The following ERG variants were observed in gnomAD, a reference collection of about 807,000 sequenced individuals.
The protein encoded by ERG is transcriptional regulator ERG.
In ERG, 9 loss-of-function variants were observed where a neutral mutation model predicts 55.3. That is an observed-to-expected ratio of 0.16 (90% CI 0.10 to 0.28). The LOEUF is 0.28. Among genes scored for constraint, ERG ranks in the 10% least tolerant of loss-of-function variants. ERG has a pLI of 1.00. For synonymous variants in ERG, 223 were observed against 237.3 expected (o/e 0.94, Z 0.55); for missense variants, 434 against 631.6 (o/e 0.69, Z 3.35).
At position 38,400,584 on chromosome 21, in the gene ERG, T is replaced by C. The variant is rs763705219; in HGVS notation, c.735A>G (p.Thr245=). The C allele has an allele frequency of 6.2e-7, 1 of 1,613,730 alleles. No individual in the cohort carries two copies. The highest frequency in any genetic ancestry group is 8.5e-7 in the Non-Finnish European group (1 of 1,179,558). The change falls in exon 6 of 10, where the codon ACA becomes ACG. Residue 245 remains threonine, a synonymous_variant. Coordinates refer to ENST00000288319, the MANE Select transcript of ERG (RefSeq NM_182918.4). The part of the protein sequence containing the change: ...SVYPEATQRI[T]TRPDLPYEPP... ...GGGGTGTTTTCGTACCTGGCCTAGT[T>C]GTAATTCTTTGCGTAGCTTCAGGAT...
In ERG at chr21:38,547,224, G is replaced by A. The variant is rs149946611; in HGVS notation, c.-41+28438C>T. Among the ~76,000 whole-genome samples, 55 of 152,296 alleles carry A rather than the reference G, an allele frequency of 3.6e-4. 1 individual carries two copies. Among genetic ancestry groups the A allele is most frequent in the African/African-American group, 1.3e-3 (55 of 41,560 alleles). The stretch of plus-strand genomic sequence containing the variant: ...TTCTAACTTGTTGATCTCAAATGTC[G>A]TGATTTGGCATGAATATCTAGCTTC... On this transcript the variant is annotated intron_variant, in intron 2 of 8. Coordinates refer to the ERG transcript ENST00000398897.
intron 1 of ERG, among the ~76,000 whole-genome samples, chr21:38,634,389 A>G (rs1202788063): frequency 1.3e-5 from 2 of 152,212 alleles, no homozygotes; most frequent in African/African-American, 4.8e-5. Flanking sequence ...AGCTGTGCAT[A>G]ACGGGAATGG....
intron 1 of ERG, among the ~76,000 whole-genome samples, chr21:38,628,055 C>T (rs2060336024): frequency 6.6e-6 from 1 of 151,676 alleles, no homozygotes; most frequent in African/African-American, 2.4e-5. Flanking sequence ...CTCATGCACA[C>T]CTCCCACCTC....
At chr21:38,658,087 C>G (rs2060530100) in intron 1 of ERG, among the ~76,000 whole-genome samples, 1 of 152,188 alleles carries the variant, frequency 6.6e-6, no homozygotes, top group South Asian at 2.1e-4. Flanking sequence ...ACCATGCTCC[C>G]TGGGAAAGCC....
At chr21:38,384,150 C>T (rs2146413645) in intron 9 of ERG, among the ~76,000 whole-genome samples, 1 of 152,338 alleles carries the variant, frequency 6.6e-6, no homozygotes, top group South Asian at 2.1e-4. Context: ...CCTCGCCCAC[C>T]CCCAGGTATC....
At chr21:38,500,299 G>A (rs1005970220), upstream of ERG, among the ~76,000 whole-genome samples, 5 of 152,254 alleles carry the variant, frequency 3.3e-5, no homozygotes, top group South Asian at 2.1e-4. Flanking sequence ...GTGTGGTCCC[G>A]CCTCACCCAC....
rs772883164 is a variant in ERG at position 38,383,853 on chromosome 21, G to A, written c.990C>T (p.Ile330=). The A allele has an allele frequency of 1.2e-6, 2 of 1,614,132 alleles. No individual in the cohort carries two copies. Among genetic ancestry groups the A allele is most frequent in the South Asian group, 1.1e-5 (1 of 91,082 alleles). Reference sequence around the variant, plus strand: ...ACTCCCCGTTGGTGCCTTCCCAGGTGATGCAGCTGGAGTTGGAGCTGTCCG... The same window carrying A: ...ACTCCCCGTTGGTGCCTTCCCAGGTAATGCAGCTGGAGTTGGAGCTGTCCG... ...LLSDSSNSSC[I]TWEGTNGEFK... The change falls in exon 10 of 10, where the codon ATC becomes ATT. Residue 330 remains isoleucine (I), a synonymous_variant. Transcript: ENST00000288319. The surrounding 1 kb of genome is among the most constrained non-coding windows in gnomAD (Gnocchi z 5.7).
At chr21:38,565,918 A>C (rs1395495583) in intron 2 of ERG, among the ~76,000 whole-genome samples, 2 of 152,226 alleles carry the variant, frequency 1.3e-5, no homozygotes, top group Non-Finnish European at 2.9e-5. Context: ...GGATCCAAAA[A>C]TATCACAAAT....
In ERG at chr21:38,402,712, CAAAAA is replaced by C. The variant is rs759434219; in HGVS notation, c.593-80_593-76del. On this transcript the variant is annotated intron_variant, in intron 4 of 9. Coordinates refer to ENST00000288319, the MANE Select transcript of ERG (RefSeq NM_182918.4). The stretch of plus-strand genomic sequence containing the variant: ...GAGAGAAAGAGAATTACCTTTCTTA[CAAAAA>C]AAAAAAAAAAAAAAGAAAGAAAAAG... 5.0e-3 allele frequency: 820 copies of C among 164,764 alleles called. 2 individuals carry two copies. Among genetic ancestry groups the C allele is most frequent in the African/African-American group, 0.018 (511 of 28,088 alleles). 10.2% of individuals were successfully genotyped at this position (164,764 alleles called of 1,614,324 possible).
chr21:38,408,662 T>A (rs1988892853), intron 3 of ERG, among the ~76,000 whole-genome samples: 1 of 152,180 alleles, frequency 6.6e-6, no homozygotes, highest in Non-Finnish European at 1.5e-5. Flanking sequence ...AGAGCCCCAG[T>A]AGTCTCTCTA....
chr21:38,486,093 C>A (rs2059282640), intron 1 of ERG, among the ~76,000 whole-genome samples: 1 of 151,816 alleles, frequency 6.6e-6, no homozygotes, highest in Non-Finnish European at 1.5e-5. Flanking sequence ...GCCACCATGC[C>A]TGGCTAATTT....
intron 1 of ERG, among the ~76,000 whole-genome samples, chr21:38,597,503 A>ACACACACG (rs1417800637): frequency 1.3e-5 from 2 of 150,332 alleles, no homozygotes; most frequent in Admixed American, 1.3e-4. Flanking sequence ...ACACACACGC[A>ACACACACG]CACAGAGAAA....
At chr21:38,597,203 A>T (rs1000825546) in intron 1 of ERG, among the ~76,000 whole-genome samples, 1 of 152,154 alleles carries the variant, frequency 6.6e-6, no homozygotes, top group Non-Finnish European at 1.5e-5. Context: ...TCTATCATCC[A>T]TCTGAATCTA....
chr21:38,437,404 C>A (rs1267989590), intron 2 of ERG, among the ~76,000 whole-genome samples: 1 of 152,232 alleles, frequency 6.6e-6, no homozygotes, highest in Non-Finnish European at 1.5e-5. Context: ...CACCAGACAC[C>A]AGTAACACCT....
intron 3 of ERG, among the ~76,000 whole-genome samples, chr21:38,408,171 A>G (rs574429586): frequency 1.2e-4 from 18 of 152,188 alleles, no homozygotes; most frequent in Non-Finnish European, 2.1e-4. Context: ...AAATGAGGGC[A>G]TTCCTTTTCT....
At chr21:38,388,016 C>T (rs917074920) in intron 9 of ERG, among the ~76,000 whole-genome samples, 1 of 152,244 alleles carries the variant, frequency 6.6e-6, no homozygotes, top group African/African-American at 2.4e-5. Context: ...TCCTCAGGTC[C>T]TTTCCATGTT....
intron 2 of ERG, among the ~76,000 whole-genome samples, chr21:38,441,500 T>C (rs1478550957): frequency 6.6e-6 from 1 of 152,186 alleles, no homozygotes; most frequent in Non-Finnish European, 1.5e-5. Context: ...AGCCAATTCC[T>C]TCAAATAAAT....
At chr21:38,486,280 C>T (rs1317725056) in intron 1 of ERG, among the ~76,000 whole-genome samples, 2 of 152,158 alleles carry the variant, frequency 1.3e-5, no homozygotes, top group African/African-American at 2.4e-5. Flanking sequence ...TACATAAAAA[C>T]CATTGTGTTA....
intron 1 of ERG, among the ~76,000 whole-genome samples, chr21:38,468,200 G>A (rs1235961094): frequency 2.6e-5 from 4 of 152,116 alleles, no homozygotes; most frequent in Admixed American, 6.5e-5. Flanking sequence ...CTCCCCACCC[G>A]GCAGGTCAGC....
Sources: gnomAD v4.1 joint callset for allele counts (sites outside exome capture counted in the v4.1 genomes callset) on GRCh38, gnomAD v4.1.1 for gene constraint, Gnocchi (gnomAD v3.1) non-coding constraint, MANE v1.5 for transcripts, NCBI Gene and HGNC (gene_info 2026-07-23, HGNC 2026-07-21) for gene names.